The following KIF26B variants were observed in gnomAD, a reference collection of about 807,000 sequenced individuals.
The protein encoded by KIF26B is kinesin-like protein KIF26B.
In KIF26B, 63 loss-of-function variants were observed where a neutral mutation model predicts 151.2. The ratio of observed to expected loss-of-function variants is 0.42; its 90% confidence interval spans 0.34 to 0.51. The LOEUF is 0.51. Ranked by LOEUF, KIF26B falls within the 20% of genes least tolerant of loss-of-function variation. The pLI is 0.07. For missense variants in KIF26B, 2,813 were observed against 2,913.6 expected (o/e 0.97, Z 0.79); for synonymous variants, 1,357 against 1,262.1 (o/e 1.08, Z -1.59).
intron 2 of KIF26B, among the ~76,000 whole-genome samples, chr1:245,290,954 G>T (rs1360791129): frequency 2.0e-5 from 3 of 152,266 alleles, no homozygotes; most frequent in African/African-American, 7.2e-5. Flanking sequence ...TCATGTGTCT[G>T]TGGTCAGCTT....
intron 2 of KIF26B, among the ~76,000 whole-genome samples, chr1:245,246,112 A>AG (rs1553338307): frequency 0.028 from 4,112 of 148,310 alleles, 222 homozygotes; most frequent in African/African-American, 0.091. Context: ...AAAAAAAAAA[A>AG]AAAGAAAGGT....
chr1:245,321,470 A>C (rs77956809), intron 2 of KIF26B, among the ~76,000 whole-genome samples: 2,031 of 152,342 alleles, frequency 0.013, 44 homozygotes, highest in African/African-American at 0.045. Flanking sequence ...GTCCTTGCTG[A>C]ATATAACAAA....
At chr1:245,486,869 C>T (rs973372778) in intron 4 of KIF26B, among the ~76,000 whole-genome samples, 57 of 152,152 alleles carry the variant, frequency 3.7e-4, no homozygotes, top group Admixed American at 2.9e-3. Context: ...CAGGGTCTCG[C>T]TGTGTTGCCC....
At chr1:245,460,367 A>G (rs187417825) in intron 4 of KIF26B, among the ~76,000 whole-genome samples, 17 of 152,230 alleles carry the variant, frequency 1.1e-4, no homozygotes, top group South Asian at 6.2e-4. Context: ...AGATTGCAAA[A>G]TGTGGTCCAA....
chr1:245,612,709 G>T (rs114911919), intron 9 of KIF26B, among the ~76,000 whole-genome samples: 314 of 152,256 alleles, frequency 2.1e-3, no homozygotes, highest in Non-Finnish European at 3.7e-3. Context: ...GCCACTGTAT[G>T]GACCATGTTT....
At chr1:245,690,732 T>A (rs941716893) in intron 12 of KIF26B, among the ~76,000 whole-genome samples, 1 of 148,442 alleles carries the variant, frequency 6.7e-6, no homozygotes, top group Admixed American at 6.7e-5. Flanking sequence ...TTGACATCTT[T>A]ATTTGCCTGG....
chr1:245,398,854 A>G (rs963848417), intron 3 of KIF26B, among the ~76,000 whole-genome samples: 13 of 152,040 alleles, frequency 8.6e-5, no homozygotes, highest in Non-Finnish European at 1.6e-4. Flanking sequence ...AGTACAAAGG[A>G]CACCCTTATT....
At chr1:245,237,567 G>A (rs1398249423) in intron 2 of KIF26B, among the ~76,000 whole-genome samples, 1 of 152,130 alleles carries the variant, frequency 6.6e-6, no homozygotes, top group Non-Finnish European at 1.5e-5. Context: ...GGGGGTCTAT[G>A]AGCATCATGG....
chr1:245,271,833 CTT>C (rs922503826), intron 2 of KIF26B, among the ~76,000 whole-genome samples: 3 of 152,064 alleles, frequency 2.0e-5, no homozygotes, highest in Admixed American at 2.0e-4. Context: ...CTTGTAGTGT[CTT>C]TGACTTTGTT....
chr1:245,230,725 A>G (rs1244334286), intron 2 of KIF26B, among the ~76,000 whole-genome samples: 1 of 151,948 alleles, frequency 6.6e-6, no homozygotes, highest in Non-Finnish European at 1.5e-5. Context: ...CCTGGGCAAC[A>G]AGAGCGAAAC....
At chr1:245,267,657 C>G in intron 2 of KIF26B, among the ~76,000 whole-genome samples, 1 of 150,110 alleles carries the variant, frequency 6.7e-6, no homozygotes, top group East Asian at 1.9e-4. Flanking sequence ...CACACACACA[C>G]ACACACACAC....
intron 5 of KIF26B, among the ~76,000 whole-genome samples, chr1:245,576,228 A>ACTCCAGAGTTCTGGAGTC (rs1487303044): frequency 1.3e-5 from 2 of 152,178 alleles, no homozygotes; most frequent in Non-Finnish European, 2.9e-5. Flanking sequence ...TCTTCCTTGA[A>ACTCCAGAGTTCTGGAGTC]CATAGACTCC....
chr1:245,659,088 A>G (rs2044104559), intron 10 of KIF26B, among the ~76,000 whole-genome samples: 1 of 152,024 alleles, frequency 6.6e-6, no homozygotes, highest in Non-Finnish European at 1.5e-5. Flanking sequence ...TTAAAAGTAT[A>G]GTAGCCATGC....
chr1:245,307,885 T>C (rs11588411), intron 2 of KIF26B, among the ~76,000 whole-genome samples: 7,589 of 152,084 alleles, frequency 0.05, 263 homozygotes, highest in Middle Eastern at 0.092. Context: ...GGACTACAGG[T>C]GCCCGCCACC....
chr1:245,183,359 A>G (rs1363121207), intron 2 of KIF26B, among the ~76,000 whole-genome samples: 1 of 152,176 alleles, frequency 6.6e-6, no homozygotes, highest in Non-Finnish European at 1.5e-5. Flanking sequence ...GTATCTAAGA[A>G]GTTGTCTAAT....
chr1:245,327,981 G>C (rs1672027157), intron 2 of KIF26B, among the ~76,000 whole-genome samples: 1 of 152,218 alleles, frequency 6.6e-6, no homozygotes, highest in Admixed American at 6.5e-5. Context: ...TCCACACTTA[G>C]CCAGTGTGAA....
intron 3 of KIF26B, 24 bp from the exon 4 acceptor site, chr1:245,419,555 C>G (rs777862710): frequency 6.3e-7 from 1 of 1,596,306 alleles, no homozygotes; most frequent in Non-Finnish European, 8.5e-7. Context: ...AGGTAATGAG[C>G]TCCGTATCCA....
At chr1:245,391,068 G>T (rs1184885397) in intron 3 of KIF26B, among the ~76,000 whole-genome samples, 1 of 151,736 alleles carries the variant, frequency 6.6e-6, no homozygotes, top group East Asian at 1.9e-4. Context: ...GATTTGTGGT[G>T]ATATTAACAA....
chr1:245,636,375 T>A (rs2043834340), intron 9 of KIF26B, among the ~76,000 whole-genome samples: 1 of 151,860 alleles, frequency 6.6e-6, no homozygotes, highest in Non-Finnish European at 1.5e-5. Flanking sequence ...TCTAACAACA[T>A]TTTTCATCTT....
Sources: allele counts gnomAD v4.1 joint callset (sites outside exome capture counted in the v4.1 genomes callset), GRCh38; gene constraint gnomAD v4.1.1; transcripts MANE v1.5; gene names NCBI Gene and HGNC (gene_info 2026-07-23, HGNC 2026-07-21).